Variants in ADGRG6 observed in about 807,000 individuals in gnomAD.
ADGRG6 encodes adhesion G protein-coupled receptor G6, also known as G-protein coupled receptor 126.
A neutral mutation model predicts 142.4 loss-of-function variants in ADGRG6; 84 were observed. That is an observed-to-expected ratio of 0.59 (90% confidence interval 0.49 to 0.71). ADGRG6 has a LOEUF of 0.71. Ranked by LOEUF, ADGRG6 falls within the 30% of genes least tolerant of loss-of-function variation. The pLI is 0.00. For missense variants in ADGRG6, 1,367 were observed against 1,466.6 expected (o/e 0.93, Z 1.11); for synonymous variants, 521 against 520.5 (o/e 1.00, Z -0.01).
chr6:142,429,424 A>AC (rs11412919), intron 22 of ADGRG6, among the ~76,000 whole-genome samples: 125,342 of 152,236 alleles, frequency 0.82, 51,886 homozygotes, highest in African/African-American at 0.91. Context: ...GAGACATTAC[A>AC]GCTGCAAGGA....
At chr6:142,367,507 C>T (rs1349512003) in intron 2 of ADGRG6, 62 bp from the exon 3 acceptor site, 72 of 1,148,182 alleles carry the variant, frequency 6.3e-5, no homozygotes, top group Non-Finnish European at 7.9e-5. Context: ...GTGGTATTCT[C>T]GGTTTATTGC....
intron 5 of ADGRG6, 71 bp from the exon 6 acceptor site, chr6:142,383,689 A>T (rs1214467788): frequency 1.3e-6 from 1 of 751,002 alleles, no homozygotes; most frequent in Non-Finnish European, 2.4e-6. Context: ...TGCATTAATT[A>T]TAGATTGCTT....
intron 6 of ADGRG6, among the ~76,000 whole-genome samples, chr6:142,389,921 G>A (rs978262091): frequency 6.6e-5 from 10 of 151,780 alleles, no homozygotes; most frequent in African/African-American, 2.4e-4. Context: ...GTTATAAGAA[G>A]TCAAATTGTA....
chr6:142,422,805 T>C (rs1287077276), intron 22 of ADGRG6, among the ~76,000 whole-genome samples: 1 of 143,044 alleles, frequency 7.0e-6, no homozygotes, highest in African/African-American at 2.6e-5. Context: ...TTCCTATTTC[T>C]CCACATCCTC....
rs764531958 is a variant in ADGRG6 at position 142,443,321 on chromosome 6, G to C, written c.3575-16G>C. On this transcript the variant is annotated splice_polypyrimidine_tract_variant and intron_variant, in intron 24 of 24. Coordinates refer to ENST00000367609, the MANE Select transcript of ADGRG6 (RefSeq NM_198569.3). ...CAGCTCATCTTGAACCTAATTTCTT[G>C]TATCATTTCTTGCAGACAGTGCTTC... The C allele has an allele frequency of 8.6e-5, 138 of 1,596,638 alleles. No individual in the cohort carries two copies. The highest frequency in any genetic ancestry group is 1.1e-4 in the Non-Finnish European group (133 of 1,168,772).
chr6:142,315,552 A>T (rs1322238341), intron 2 of ADGRG6, among the ~76,000 whole-genome samples: 4 of 152,100 alleles, frequency 2.6e-5, no homozygotes, highest in South Asian at 2.1e-4. Flanking sequence ...TTGAACTAAC[A>T]TGATTATACA....
chr6:142,363,629 AT>A (rs1780818618), intron 2 of ADGRG6, among the ~76,000 whole-genome samples: 1 of 152,194 alleles, frequency 6.6e-6, no homozygotes. Context: ...ATTGAGCCAG[AT>A]GCTTTGAGTT....
At chr6:142,437,021 T>G (rs570844198) in intron 22 of ADGRG6, among the ~76,000 whole-genome samples, 16 of 152,336 alleles carry the variant, frequency 1.1e-4, no homozygotes, top group Admixed American at 2.0e-4. Flanking sequence ...ATACACAAAT[T>G]GAAACAGATG....
chr6:142,441,001 T>G (rs1777733694), intron 24 of ADGRG6: 2 of 932,658 alleles, frequency 2.1e-6, no homozygotes, highest in Non-Finnish European at 3.2e-6. Flanking sequence ...TGCAAGGTAA[T>G]AAGAGAATAT....
intron 2 of ADGRG6, among the ~76,000 whole-genome samples, chr6:142,345,606 T>TC (rs1779861966): frequency 1.3e-5 from 2 of 152,218 alleles, no homozygotes; most frequent in African/African-American, 4.8e-5. Flanking sequence ...AGGTTCCTTC[T>TC]CCCCCTAACA....
intron 24 of ADGRG6, among the ~76,000 whole-genome samples, chr6:142,442,660 T>A (rs1249098801): frequency 2.6e-5 from 4 of 152,080 alleles, no homozygotes; most frequent in Non-Finnish European, 5.9e-5. Flanking sequence ...CTTTGATTGC[T>A]ACAATTAAAA....
intron 15 of ADGRG6, among the ~76,000 whole-genome samples, chr6:142,407,297 GT>G (rs200854273): frequency 6.7e-6 from 1 of 150,260 alleles, no homozygotes; most frequent in African/African-American, 2.4e-5. Context: ...TGGTGATGGT[GT>G]TTTTTTTTGT....
chr6:142,352,450 A>G (rs1423570573), intron 2 of ADGRG6, among the ~76,000 whole-genome samples: 1 of 152,128 alleles, frequency 6.6e-6, no homozygotes, highest in Non-Finnish European at 1.5e-5. Flanking sequence ...AACAGCAGAC[A>G]CTAGGAACTG....
intron 8 of ADGRG6, 147 bp from the exon 9 acceptor site, chr6:142,393,749 C>G: frequency 1.7e-6 from 1 of 580,930 alleles, no homozygotes; most frequent in Non-Finnish European, 3.1e-6. Flanking sequence ...GCCTAGCTTT[C>G]TGAAAGAAGC....
At chr6:142,369,781 G>C (rs1345173764) in intron 3 of ADGRG6, among the ~76,000 whole-genome samples, 1 of 152,200 alleles carries the variant, frequency 6.6e-6, no homozygotes, top group African/African-American at 2.4e-5. Context: ...CATTTGAAAA[G>C]TAGTATTTTT....
chr6:142,353,815 G>A (rs1291408621), intron 2 of ADGRG6, among the ~76,000 whole-genome samples: 7 of 152,146 alleles, frequency 4.6e-5, no homozygotes, highest in Non-Finnish European at 8.8e-5. Flanking sequence ...TAAAAATGAC[G>A]TCATGAAGCA....
rs774602364 is a variant in ADGRG6, at chr6:142,419,918, G to A, written c.3133G>A (p.Val1045Met). ...CATTGCCATGTTCATTGTGGTAATG[G>A]TGCAGATCTGTGGGAGGAATGGCAA... ...LNIAMFIVVM[V>M]QICGRNGKRS... The change falls in exon 22 of 25, where the codon GTG becomes ATG. Residue 1045 changes from valine to methionine, a missense_variant. By Grantham distance (21) the Val-to-Met change is conservative (BLOSUM62 1). Transcript: ENST00000367609. 3 of 1,613,288 alleles carry A rather than the reference G, an allele frequency of 1.9e-6. No homozygotes were observed. Among genetic ancestry groups the A allele is most frequent in the East Asian group, 2.2e-5 (1 of 44,862 alleles).
At chr6:142,416,134 A>G in intron 20 of ADGRG6, 70 bp downstream of exon 20, 3 of 1,168,606 alleles carry the variant, frequency 2.6e-6, no homozygotes, top group Non-Finnish European at 3.6e-6. Context: ...ATAGGAAAAA[A>G]TCTTATTTAA....
chr6:142,393,038 T>C, intron 8 of ADGRG6, 38 bp downstream of exon 8: 1 of 1,127,230 alleles, frequency 8.9e-7, no homozygotes. Flanking sequence ...TTAAAAGTAG[T>C]GTCTAATTTA....
Sources: gnomAD v4.1 joint callset for allele counts (sites outside exome capture counted in the v4.1 genomes callset) on GRCh38, gnomAD v4.1.1 for gene constraint, MANE v1.5 for transcripts, NCBI Gene and HGNC (gene_info 2026-07-23, HGNC 2026-07-21) for gene names.